The following MYO1B variants were observed in gnomAD, a reference collection of about 807,000 sequenced individuals.
The protein encoded by MYO1B is unconventional myosin-Ib.
In MYO1B, 72 loss-of-function variants were observed where a neutral mutation model predicts 159.7. The observed-to-expected ratio is 0.45, with a 90% CI of 0.37 to 0.55. The LOEUF (loss-of-function observed/expected upper bound fraction) is 0.55. Among genes scored for constraint, MYO1B ranks in the 20% least tolerant of loss-of-function variants. The pLI is 0.00. For missense variants in MYO1B, 1,062 were observed against 1,364.8 expected (o/e 0.78, Z 3.50); for synonymous variants, 468 against 473.8 (o/e 0.99, Z 0.16).
At chr2:191,367,810 G>A (rs971945645) in intron 11 of MYO1B, among the ~76,000 whole-genome samples, 5 of 152,156 alleles carry the variant, frequency 3.3e-5, no homozygotes, top group African/African-American at 9.7e-5. Flanking sequence ...AGTAGTAGAC[G>A]AAAAGGATAC....
At chr2:191,272,808 A>G (rs1223584930) in intron 1 of MYO1B, among the ~76,000 whole-genome samples, 2 of 152,164 alleles carry the variant, frequency 1.3e-5, no homozygotes, top group Non-Finnish European at 2.9e-5. Flanking sequence ...TTCACTATTA[A>G]ATAGCGAAGA....
At chr2:191,388,327 T>A (rs1175004472) in intron 17 of MYO1B, 1 of 152,034 alleles carries the variant, frequency 6.6e-6, no homozygotes, top group African/African-American at 2.4e-5. Context: ...CTTTTTCTGC[T>A]TCTAGGGCAT....
At chr2:191,375,293 A>G (rs190447858) in intron 13 of MYO1B, among the ~76,000 whole-genome samples, 2 of 152,212 alleles carry the variant, frequency 1.3e-5, no homozygotes, top group African/African-American at 2.4e-5. Context: ...CCTCATGATC[A>G]TAGGATTTGT....
Position 191,386,042 on chromosome 2 carries a change from T to C in MYO1B, c.1512T>C (p.Ser504=). Residue 504 remains serine, a synonymous_variant, in exon 16 of 31, where the codon TCT becomes TCC. Transcript: ENST00000392318. ...GCTCTCGGTTCCTCAATGACACGTC[T>C]CTGCCTCACAGCTGCTTCAGGATCC... is the stretch of plus-strand genomic sequence containing the variant. ...SKCSRFLNDT[S]LPHSCFRIQH... The C allele has an allele frequency of 6.2e-7, 1 of 1,614,140 alleles. No individual in the cohort carries two copies. The highest frequency in any genetic ancestry group is 1.1e-5 in the South Asian group (1 of 91,080).
chr2:191,280,115 T>A (rs1184827554), intron 2 of MYO1B, among the ~76,000 whole-genome samples: 1 of 152,188 alleles, frequency 6.6e-6, no homozygotes. Context: ...GCTTTGCCCC[T>A]GGGTATGAGT....
intron 13 of MYO1B, among the ~76,000 whole-genome samples, chr2:191,372,397 A>T (rs1384973815): frequency 6.6e-6 from 1 of 152,202 alleles, no homozygotes; most frequent in Non-Finnish European, 1.5e-5. Context: ...TAGCCATGGG[A>T]AAAGAAACAC....
chr2:191,391,693 C>A (rs918912008), intron 18 of MYO1B, among the ~76,000 whole-genome samples: 2 of 152,140 alleles, frequency 1.3e-5, no homozygotes, highest in African/African-American at 4.8e-5. Context: ...GGGACTGTTT[C>A]TTGGTCTCTG....
At chr2:191,324,009 T>A (rs748425275) in intron 3 of MYO1B, among the ~76,000 whole-genome samples, 1 of 152,278 alleles carries the variant, frequency 6.6e-6, no homozygotes, top group Non-Finnish European at 1.5e-5. Context: ...TATATTGGGA[T>A]GGCAACTAGG....
intron 10 of MYO1B, 103 bp from the exon 11 acceptor site, chr2:191,364,055 A>T: frequency 8.3e-7 from 1 of 1,199,964 alleles, no homozygotes; most frequent in East Asian, 2.3e-5. Context: ...TTTTATACTG[A>T]TCTGTTTGAT....
intron 4 of MYO1B, among the ~76,000 whole-genome samples, chr2:191,330,532 C>T (rs72916554): frequency 0.32 from 48,834 of 151,922 alleles, 8,202 homozygotes; most frequent in South Asian, 0.49. Flanking sequence ...ATAAAAAAAC[C>T]CTCCAAATGG....
At chr2:191,326,489 A>C (rs905480060) in intron 3 of MYO1B, among the ~76,000 whole-genome samples, 2 of 152,124 alleles carry the variant, frequency 1.3e-5, no homozygotes, top group Non-Finnish European at 2.9e-5. Context: ...GTTACAAGCA[A>C]ATTTTTCCAG....
chr2:191,286,812 AGTCCCAGGTAT>A (rs1194183495), intron 2 of MYO1B, among the ~76,000 whole-genome samples: 28 of 152,250 alleles, frequency 1.8e-4, no homozygotes, highest in African/African-American at 6.7e-4. Context: ...ATGTACCTGT[AGTCCCAGGTAT>A]TCAGGAGGCT....
intron 3 of MYO1B, among the ~76,000 whole-genome samples, chr2:191,314,833 G>A (rs1434592369): frequency 2.6e-5 from 4 of 152,196 alleles, no homozygotes; most frequent in Non-Finnish European, 5.9e-5. Context: ...TCGCAGGTGA[G>A]ATGGGGAAGT....
In MYO1B at chr2:191,374,419, G is replaced by C. The variant is rs570974945; in HGVS notation, c.1185+4127G>C. Among the ~76,000 whole-genome samples, 10 of 152,206 alleles carry C rather than the reference G, an allele frequency of 6.6e-5. No individual in the cohort carries two copies. The South Asian group carries it at 2.1e-3, about 32-fold the overall frequency. On this transcript the variant is annotated intron_variant, in intron 13 of 30. Coordinates refer to ENST00000392318, the MANE Select transcript of MYO1B (RefSeq NM_001130158.3). ...TACCCTGGGCATCTCTTTAAAAACT[G>C]GACACTAAAGGGCGAGACTTTTTTA...
intron 21 of MYO1B, among the ~76,000 whole-genome samples, chr2:191,397,128 C>CTTTTTTTTTTTTT (rs796198342): frequency 2.8e-4 from 9 of 32,252 alleles, no homozygotes; most frequent in African/African-American, 5.3e-4. Context: ...AAGATGATTT[C>CTTTTTTTTTTTTT]TTTTTTTTTT....
chr2:191,267,837 A>G (rs562598142), intron 1 of MYO1B, among the ~76,000 whole-genome samples: 1 of 152,360 alleles, frequency 6.6e-6, no homozygotes, highest in Admixed American at 6.5e-5. Flanking sequence ...ATCCTTCATG[A>G]GGACATTCCT....
chr2:191,377,528 A>G (rs1001906703), intron 13 of MYO1B: 1 of 152,170 alleles, frequency 6.6e-6, no homozygotes, highest in Non-Finnish European at 1.5e-5. Flanking sequence ...TGACAAACCA[A>G]AAAAGTCTCC....
rs867139893 is a variant in MYO1B, at chr2:191,364,392, G to A, written c.1032+116G>A. ...GTTACCTGAATCGTACTATGTTCTA[G>A]GCATTGGGAACAGAGCAGTAAACTA... On this transcript the variant is annotated intron_variant, in intron 11 of 30. Coordinates refer to ENST00000392318, the MANE Select transcript of MYO1B (RefSeq NM_001130158.3). 205 of 801,396 alleles carry A rather than the reference G, an allele frequency of 2.6e-4. 1 individual carries two copies. The Middle Eastern group carries it at 7.6e-3, about 30-fold the overall frequency. The allele number at this position is 801,396 out of a possible 1,614,324, so 49.6% of individuals were successfully genotyped here.
At chr2:191,283,284 A>G (rs547875762) in intron 2 of MYO1B, among the ~76,000 whole-genome samples, 1 of 151,972 alleles carries the variant, frequency 6.6e-6, no homozygotes, top group South Asian at 2.1e-4. Flanking sequence ...TAATACTTAC[A>G]GTGCATTAAC....
Sources: allele counts gnomAD v4.1 joint callset (sites outside exome capture counted in the v4.1 genomes callset), GRCh38; gene constraint gnomAD v4.1.1; transcripts MANE v1.5; gene names NCBI Gene and HGNC (gene_info 2026-07-23, HGNC 2026-07-21).